PIP4K2B: variants seen among roughly 807,000 people sequenced by gnomAD.
PIP4K2B encodes phosphatidylinositol-5-phosphate 4-kinase type 2 beta.
Under a neutral mutation model 42.0 loss-of-function variants are expected in PIP4K2B, and 3 were observed. The ratio of observed to expected loss-of-function variants is 0.07; its 90% CI spans 0.03 to 0.18. The LOEUF (loss-of-function observed/expected upper bound fraction) is 0.18. Among genes scored for constraint, PIP4K2B ranks in the 10% least tolerant of loss-of-function variants. The probability of loss-of-function intolerance (pLI) is 1.00; values close to 1 mark genes in which losing one functional copy is unlikely to be tolerated. For missense variants in PIP4K2B, 332 were observed against 562.3 expected, an observed-to-expected ratio of 0.59 and a Z score of 4.14; for synonymous variants, 204 against 210.1, an observed-to-expected ratio of 0.97 and a Z score of 0.25.
intron 3 of PIP4K2B, 46 bp downstream of exon 3, chr17:38,784,197 C>CCCATT (rs1909869897): frequency 8.6e-7 from 1 of 1,156,432 alleles, no homozygotes; most frequent in Admixed American, 1.7e-5. Context: ...GCTTCCTGAC[C>CCCATT]CCATTCCATT....
chr17:38,776,940 C>T (rs1332161051), intron 7 of PIP4K2B, among the ~76,000 whole-genome samples: 1 of 152,158 alleles, frequency 6.6e-6, no homozygotes, highest in East Asian at 1.9e-4. Context: ...CTCTGTCACC[C>T]AGGCTGGAGC....
intron 8 of PIP4K2B, 47 bp downstream of exon 8, chr17:38,770,967 T>C (rs1384976478): frequency 1.2e-6 from 2 of 1,603,348 alleles, no homozygotes; most frequent in Non-Finnish European, 1.7e-6. Context: ...GCTGAGGGGG[T>C]AGGATGAGGG....
chr17:38,780,397 C>A, intron 4 of PIP4K2B, 55 bp downstream of exon 4: 1 of 1,512,144 alleles, frequency 6.6e-7, no homozygotes, highest in Non-Finnish European at 9.0e-7. Flanking sequence ...CCCCAGGGCT[C>A]TCTTCTCCCT....
chr17:38,775,107 A>G (rs996276056), intron 7 of PIP4K2B, among the ~76,000 whole-genome samples: 7 of 151,532 alleles, frequency 4.6e-5, no homozygotes, highest in Non-Finnish European at 1.0e-4. Context: ...CCACCACCAC[A>G]CCTGGCTAAT....
At position 38,771,048 on chromosome 17, in the gene PIP4K2B, G is replaced by A; in HGVS notation, c.1032C>T (p.Pro344=). 1.2e-6 allele frequency: 2 copies of A among 1,614,172 alleles called. No homozygotes were observed. Among genetic ancestry groups the A allele is most frequent in the Non-Finnish European group, 1.7e-6 (2 of 1,180,030 alleles). ...TTTTCATGGCATAGACGTCAACAGA[G>A]GGGTCGAATTCCCCAGGACCAAAGA... The part of the protein sequence containing the change: ...PRFFGPGEFD[P]SVDVYAMKSH... Residue 344 remains proline, a synonymous_variant, in exon 8 of 10, where the codon CCC becomes CCT. Transcript: ENST00000619039.
In PIP4K2B at chr17:38,770,464, G is replaced by A; in HGVS notation, c.1142C>T (p.Ala381Val). The change falls in exon 9 of 10, where the codon GCA becomes GTA. Residue 381 changes from alanine to valine, a missense_variant. By Grantham distance (64) the Ala-to-Val change is moderately conservative (BLOSUM62 0). Transcript: ENST00000619039. ...GTGTTTCACCGTTTTGGCAGCATGTGCAGCTTTCTTCTTTGTATCGTATGG... is the reference window on the plus strand; with the variant it reads ...GTGTTTCACCGTTTTGGCAGCATGTACAGCTTTCTTCTTTGTATCGTATGG... ...LTPYDTKKKA[A>V]HAAKTVKHGA... 1 of 1,611,748 alleles carries A rather than the reference G, an allele frequency of 6.2e-7. No homozygotes were observed. The highest frequency in any genetic ancestry group is 8.5e-7 in the Non-Finnish European group (1 of 1,178,006).
chr17:38,782,205 A>C (rs1909754335), intron 3 of PIP4K2B, among the ~76,000 whole-genome samples: 1 of 152,114 alleles, frequency 6.6e-6, no homozygotes, highest in Non-Finnish European at 1.5e-5. Context: ...TGGCCTCTCT[A>C]CCATAAGACT....
In PIP4K2B at chr17:38,799,123, T is replaced by G; in HGVS notation, c.159+143A>C. On this transcript the variant is annotated intron_variant, in intron 1 of 9. Coordinates refer to ENST00000619039, the MANE Select transcript of PIP4K2B (RefSeq NM_003559.5). The surrounding 1 kb of genome is among the most constrained non-coding windows in gnomAD (Gnocchi z 4.4). ...GGAGTGCACACGGGGCCGAAAGGCG[T>G]GCAAGGGTGGGGTGGGCGTGCAAGT... The G allele has an allele frequency of 1.2e-6, 1 of 832,714 alleles. No individual in the cohort carries two copies. Among genetic ancestry groups the G allele is most frequent in the Non-Finnish European group, 1.7e-6 (1 of 586,312 alleles). 51.6% of individuals were successfully genotyped at this position (832,714 alleles called of 1,614,324 possible). A position where few individuals can be genotyped will look rare whatever the true frequency, so the allele number is the denominator to read the frequency against.
intron 1 of PIP4K2B, among the ~76,000 whole-genome samples, chr17:38,790,497 T>C (rs1010395233): frequency 3.3e-5 from 5 of 152,190 alleles, no homozygotes; most frequent in East Asian, 1.9e-4. Context: ...CTTGCTCTGT[T>C]GCCCAGGCTG....
Position 38,769,511 on chromosome 17 carries a change from T to TC in PIP4K2B, c.*179dup. ...TGTGAGCAGGTGCACACACAGCACATCCCCCTCCTCTTCAGCTAAAGTCTC... is the reference window on the plus strand; with the variant it reads ...TGTGAGCAGGTGCACACACAGCACATCCCCCCTCCTCTTCAGCTAAAGTCTC... On this transcript the variant is annotated 3_prime_UTR_variant, in exon 10 of 10. Coordinates refer to ENST00000619039, the MANE Select transcript of PIP4K2B (RefSeq NM_003559.5). 1.6e-6 allele frequency: 1 copy of TC among 638,250 alleles called. No homozygotes were observed. Among genetic ancestry groups the TC allele is most frequent in the Non-Finnish European group, 2.8e-6 (1 of 351,568 alleles). The allele number at this position is 638,250 out of a possible 1,614,324, so 39.5% of individuals were successfully genotyped here. A position where few individuals can be genotyped will look rare whatever the true frequency, so the allele number is the denominator to read the frequency against.
chr17:38,778,550 C>T (rs1331091700), intron 5 of PIP4K2B, among the ~76,000 whole-genome samples, 178 bp from the exon 6 acceptor site: 2 of 152,180 alleles, frequency 1.3e-5, no homozygotes, highest in African/African-American at 2.4e-5. Context: ...ATGTGCAAGA[C>T]ACTTTTTAGG....
At position 38,786,948 on chromosome 17, in the gene PIP4K2B, T is replaced by TC. The variant is rs1391535958; in HGVS notation, c.160-29dup. 8.7e-6 allele frequency: 13 copies of TC among 1,494,910 alleles called. No homozygotes were observed. In the Admixed American group the frequency reaches 2.2e-4, roughly 25 times the overall value. The allele number at this position is 1,494,910 out of a possible 1,614,324, so 92.6% of individuals were successfully genotyped here. A position where few individuals can be genotyped will look rare whatever the true frequency, so the allele number is the denominator to read the frequency against. Reference sequence around the variant, plus strand: ...GAAAAGCAAGGAGAACGTAAGGCTCTCAGCCAGGAGGCCACCTGCCTCAGA... The same window carrying TC: ...GAAAAGCAAGGAGAACGTAAGGCTCTCCAGCCAGGAGGCCACCTGCCTCAGA... On this transcript the variant is annotated intron_variant, in intron 1 of 9. Coordinates refer to ENST00000619039, the MANE Select transcript of PIP4K2B (RefSeq NM_003559.5).
chr17:38,780,882 T>C (rs1462397788), intron 3 of PIP4K2B, among the ~76,000 whole-genome samples: 1 of 152,198 alleles, frequency 6.6e-6, no homozygotes, highest in Non-Finnish European at 1.5e-5. Flanking sequence ...TGATCCCAGA[T>C]AGCTATCCTA....
At chr17:38,796,459 G>A (rs113688772) in intron 1 of PIP4K2B, among the ~76,000 whole-genome samples, 1 of 152,156 alleles carries the variant, frequency 6.6e-6, no homozygotes, top group Non-Finnish European at 1.5e-5. Flanking sequence ...GCTCCTCTCT[G>A]AGGCCATCTC....
chr17:38,780,723 C>G (rs1490175350), intron 3 of PIP4K2B, 119 bp from the exon 4 acceptor site: 2 of 922,022 alleles, frequency 2.2e-6, no homozygotes, highest in Non-Finnish European at 3.2e-6. Flanking sequence ...TAGAGGGACT[C>G]CCAGATGGGA....
intron 2 of PIP4K2B, among the ~76,000 whole-genome samples, chr17:38,785,860 C>A (rs944802025): frequency 3.3e-5 from 5 of 152,302 alleles, no homozygotes; most frequent in African/African-American, 9.6e-5. Context: ...CTTCGAGAAC[C>A]CGGACCTCTG....
At position 38,768,647 on chromosome 17, in the gene PIP4K2B, C is replaced by T. The variant is rs1016599139; in HGVS notation, c.*1044G>A. 2.6e-5 allele frequency: 4 copies of T among 152,192 alleles called. No individual in the cohort carries two copies. Among genetic ancestry groups the T allele is most frequent in the African/African-American group, 4.8e-5 (2 of 41,434 alleles). 9.4% of individuals were successfully genotyped at this position (152,192 alleles called of 1,614,324 possible). A position where few individuals can be genotyped will look rare whatever the true frequency, so the allele number is the denominator to read the frequency against. ...CACTCCAGGCGCTTGGAGATCTGCC[C>T]AGAGCTAAGAGTTCGGCTAGAAGTA... On this transcript the variant is annotated 3_prime_UTR_variant, in exon 10 of 10. Transcript: ENST00000619039.
At chr17:38,780,377 T>C (rs576056339) in intron 4 of PIP4K2B, 75 bp downstream of exon 4, 1 of 1,390,762 alleles carries the variant, frequency 7.2e-7, no homozygotes, top group East Asian at 2.4e-5. Context: ...AACCCCTCCC[T>C]AAGAAGCTCC....
At chr17:38,787,905 T>C (rs1312270729) in intron 1 of PIP4K2B, among the ~76,000 whole-genome samples, 1 of 152,156 alleles carries the variant, frequency 6.6e-6, no homozygotes, top group African/African-American at 2.4e-5. Context: ...GCTTTAATTA[T>C]ATTTCTAAGC....
Sources: gnomAD v4.1 joint callset for allele counts (sites outside exome capture counted in the v4.1 genomes callset) on GRCh38, gnomAD v4.1.1 for gene constraint, Gnocchi (gnomAD v3.1) non-coding constraint, MANE v1.5 for transcripts, NCBI Gene and HGNC (gene_info 2026-07-23, HGNC 2026-07-21) for gene names.